Variants in SNX29 observed in about 807,000 individuals in gnomAD.
The protein encoded by SNX29 is sorting nexin 29.
Under a neutral mutation model 102.1 loss-of-function variants are expected in SNX29, and 78 were observed. The observed-to-expected ratio is 0.76, with a 90% CI of 0.64 to 0.92. The LOEUF (loss-of-function observed/expected upper bound fraction) is 0.92. Ranked by LOEUF, SNX29 falls within the 40% of genes least tolerant of loss-of-function variation. SNX29 has a pLI of 0.00. For missense variants in SNX29, 1,280 were observed against 1,061.7 expected, an observed-to-expected ratio of 1.21 and a Z score of -2.86; for synonymous variants, 580 against 414.5, an observed-to-expected ratio of 1.40 and a Z score of -4.85.
chr16:12,049,832 G>A (rs191580920), intron 7 of SNX29, among the ~76,000 whole-genome samples: 1 of 152,242 alleles, frequency 6.6e-6, no homozygotes, highest in East Asian at 1.9e-4. Flanking sequence ...GCCCAGGCTG[G>A]TCTTGAACTC....
At position 12,572,981 on chromosome 16, in the gene SNX29, C is replaced by A. The variant is rs1171727539; in HGVS notation, c.*4352C>A. ...GTCAAAGATTTTTCAAAATATTGTGCATTAATTCATTAAAGCTACTGTTAA... is the reference window on the plus strand; with the variant it reads ...GTCAAAGATTTTTCAAAATATTGTGAATTAATTCATTAAAGCTACTGTTAA... On this transcript the variant is annotated 3_prime_UTR_variant, in exon 21 of 21. Coordinates refer to ENST00000566228, the MANE Select transcript of SNX29 (RefSeq NM_032167.5). The A allele has an allele frequency of 7.2e-6, 3 of 415,610 alleles. No individual in the cohort carries two copies. Among genetic ancestry groups the A allele is most frequent in the Non-Finnish European group, 1.0e-5 (3 of 286,232 alleles). 25.7% of individuals were successfully genotyped at this position (415,610 alleles called of 1,614,324 possible).
Position 12,536,851 on chromosome 16 carries a change from C to G in SNX29, c.2318+12010C>G, listed in dbSNP as rs544337053. 5.9e-5 allele frequency among the ~76,000 whole-genome samples: 9 copies of G among 152,222 alleles called. No individual in the cohort carries two copies. In the East Asian group the frequency reaches 9.7e-4, roughly 16 times the overall value. ...ATTAGCCAGGCATGGTGGTGCACAC[C>G]TGTAATTGTAGCTACTTGGGAGGCT... On this transcript the variant is annotated intron_variant, in intron 20 of 20. Coordinates refer to ENST00000566228, the MANE Select transcript of SNX29 (RefSeq NM_032167.5).
chr16:12,559,631 C>T (rs1254569807), intron 20 of SNX29, among the ~76,000 whole-genome samples: 5 of 152,214 alleles, frequency 3.3e-5, no homozygotes, highest in African/African-American at 1.2e-4. Flanking sequence ...GCACATGGCC[C>T]TGTATCCAAA....
intron 4 of SNX29, chr16:12,029,710 G>C: frequency 2.3e-6 from 1 of 435,800 alleles, no homozygotes; most frequent in South Asian, 1.6e-5. Context: ...TCCAGCCTCA[G>C]CCACCTGAGT....
At position 12,063,651 on chromosome 16, in the gene SNX29, T is replaced by G. The variant is rs561861074; in HGVS notation, c.1243+2005T>G. 3.2e-4 allele frequency among the ~76,000 whole-genome samples: 48 copies of G among 152,196 alleles called. 1 individual carries two copies. The highest frequency in any genetic ancestry group is 1.1e-3 in the African/African-American group (47 of 41,550). On this transcript the variant is annotated intron_variant, in intron 9 of 20. Coordinates refer to ENST00000566228, the MANE Select transcript of SNX29 (RefSeq NM_032167.5). ...CCTTGGCCTCCCACAGTTGCTGGGA[T>G]TATAGGCATGAGCCACCGTGCCCGG...
At chr16:12,328,176 A>C (rs541657258) in intron 15 of SNX29, among the ~76,000 whole-genome samples, 6 of 152,204 alleles carry the variant, frequency 3.9e-5, no homozygotes, top group Non-Finnish European at 7.3e-5. Context: ...TGCCTCCCGC[A>C]GAGTAGACCT....
intron 18 of SNX29, among the ~76,000 whole-genome samples, chr16:12,441,022 G>A (rs985878742): frequency 2.0e-5 from 3 of 150,914 alleles, no homozygotes; most frequent in African/African-American, 7.3e-5. Context: ...TCTATGCTTG[G>A]CTTCTTTCAC....
At chr16:12,334,970 C>T (rs2081404325) in intron 15 of SNX29, among the ~76,000 whole-genome samples, 1 of 140,032 alleles carries the variant, frequency 7.1e-6, no homozygotes, top group South Asian at 2.4e-4. Context: ...ACCTTTGGGC[C>T]TGTCATCGAC....
At chr16:12,162,247 G>A (rs1473237515) in intron 13 of SNX29, among the ~76,000 whole-genome samples, 1 of 152,130 alleles carries the variant, frequency 6.6e-6, no homozygotes, top group East Asian at 1.9e-4. Flanking sequence ...CAGCGCCTCC[G>A]AGGGGCCTCG....
At chr16:12,313,982 T>C (rs1230797121) in intron 15 of SNX29, among the ~76,000 whole-genome samples, 1 of 152,240 alleles carries the variant, frequency 6.6e-6, no homozygotes, top group Non-Finnish European at 1.5e-5. Context: ...CTTTTGCTTA[T>C]GTTTATTTTT....
intron 18 of SNX29, among the ~76,000 whole-genome samples, chr16:12,475,080 C>T (rs1444237551): frequency 1.3e-5 from 2 of 152,240 alleles, no homozygotes; most frequent in Non-Finnish European, 2.9e-5. Context: ...CCTGAATTCT[C>T]TCCATATCAC....
At chr16:12,079,607 C>T (rs1355938237) in intron 11 of SNX29, among the ~76,000 whole-genome samples, 1 of 152,132 alleles carries the variant, frequency 6.6e-6, no homozygotes, top group African/African-American at 2.4e-5. Context: ...AGGAAGTGAG[C>T]AGACACTATG....
At chr16:12,231,005 C>G (rs1173735212) in intron 14 of SNX29, among the ~76,000 whole-genome samples, 1 of 151,758 alleles carries the variant, frequency 6.6e-6, no homozygotes, top group Non-Finnish European at 1.5e-5. Context: ...CATGTACCAC[C>G]ACACCCGGCT....
chr16:12,203,756 G>T (rs2076976807), intron 14 of SNX29, among the ~76,000 whole-genome samples: 1 of 152,206 alleles, frequency 6.6e-6, no homozygotes, highest in African/African-American at 2.4e-5. Context: ...AGGAGCATTT[G>T]CCTGACGTGA....
chr16:12,560,324 G>A lies in SNX29; in HGVS notation c.2319-8182G>A, dbSNP rs1424124612. Among the ~76,000 whole-genome samples the A allele has an allele frequency of 3.9e-5, 6 of 152,248 alleles. No homozygotes were observed. The East Asian group carries it at 7.7e-4, about 20-fold the overall frequency. Reference sequence around the variant, plus strand: ...ACTCAAAATGTCATGAAAAAATAATGCTGGGTTTACCGAAGGGGGATTTAC... The same window carrying A: ...ACTCAAAATGTCATGAAAAAATAATACTGGGTTTACCGAAGGGGGATTTAC... On this transcript the variant is annotated intron_variant, in intron 20 of 20. Transcript: ENST00000566228.
chr16:12,465,155 A>G (rs1243374921), intron 18 of SNX29, among the ~76,000 whole-genome samples: 2 of 152,206 alleles, frequency 1.3e-5, no homozygotes, highest in African/African-American at 4.8e-5. Context: ...GGTTGCAAAT[A>G]TCTTCTACTT....
intron 20 of SNX29, among the ~76,000 whole-genome samples, chr16:12,565,631 A>G (rs926569350): frequency 2.6e-5 from 4 of 152,168 alleles, no homozygotes; most frequent in African/African-American, 7.2e-5. Flanking sequence ...AGGCACAGAC[A>G]TGTGACACAT....
intron 20 of SNX29, among the ~76,000 whole-genome samples, chr16:12,567,281 G>A (rs1219437208): frequency 6.6e-6 from 1 of 150,782 alleles, no homozygotes; most frequent in Non-Finnish European, 1.5e-5. Context: ...GTGGATCCAG[G>A]ACTTACATCC....
intron 8 of SNX29, among the ~76,000 whole-genome samples, chr16:12,061,128 C>T (rs2151266995): frequency 6.6e-6 from 1 of 152,318 alleles, no homozygotes; most frequent in Middle Eastern, 3.4e-3. Context: ...AGCCCTGCTT[C>T]TTCCAGGCAG....
Sources: allele counts gnomAD v4.1 joint callset (sites outside exome capture counted in the v4.1 genomes callset), GRCh38; gene constraint gnomAD v4.1.1; transcripts MANE v1.5; gene names NCBI Gene and HGNC (gene_info 2026-07-23, HGNC 2026-07-21).